The following RBFOX1 variants were observed in gnomAD, a reference collection of about 807,000 sequenced individuals.
RBFOX1 encodes RNA binding protein fox-1 homolog 1.
RBFOX1 carries 8 observed loss-of-function variants against 57.7 expected under a neutral mutation model. The observed-to-expected ratio is 0.14, with a 90% CI of 0.08 to 0.25. RBFOX1 has a LOEUF of 0.25. RBFOX1 is among the 10% of genes least tolerant of loss of function. The probability of loss-of-function intolerance (pLI) is 1.00; values close to 1 mark genes in which losing one functional copy is unlikely to be tolerated. For missense variants in RBFOX1, 611 were observed against 548.5 expected (o/e 1.11, Z -1.14); for synonymous variants, 326 against 222.4 (o/e 1.47, Z -4.15).
intron 4 of RBFOX1, among the ~76,000 whole-genome samples, chr16:5,876,823 A>G (rs1351627292): frequency 6.6e-6 from 1 of 152,236 alleles, no homozygotes; most frequent in African/African-American, 2.4e-5. Flanking sequence ...CCAGCCTGTC[A>G]TAGTCTGTAA....
At chr16:5,880,186 C>G (rs928331882) in intron 4 of RBFOX1, among the ~76,000 whole-genome samples, 1 of 152,144 alleles carries the variant, frequency 6.6e-6, no homozygotes, top group African/African-American at 2.4e-5. Flanking sequence ...TCTTTCCGTT[C>G]CAAACAAGAG....
chr16:7,498,815 C>G (rs146864209), intron 4 of RBFOX1, among the ~76,000 whole-genome samples: 3 of 152,156 alleles, frequency 2.0e-5, no homozygotes, highest in Non-Finnish European at 2.9e-5. Context: ...AGCTCTCTGA[C>G]TAGGATTACA....
At chr16:5,699,511 T>C (rs2050960551) in intron 3 of RBFOX1, among the ~76,000 whole-genome samples, 1 of 151,926 alleles carries the variant, frequency 6.6e-6, no homozygotes, top group African/African-American at 2.4e-5. Flanking sequence ...CCCAAGAGGA[T>C]GTTTTAGATA....
At chr16:5,857,296 G>T (rs1213400857) in intron 3 of RBFOX1, among the ~76,000 whole-genome samples, 1 of 152,060 alleles carries the variant, frequency 6.6e-6, no homozygotes, top group Non-Finnish European at 1.5e-5. Flanking sequence ...TACAATAGCA[G>T]TATCAAAGAT....
chr16:7,463,076 A>G (rs1401981243), intron 4 of RBFOX1, among the ~76,000 whole-genome samples: 1 of 152,212 alleles, frequency 6.6e-6, no homozygotes, highest in Non-Finnish European at 1.5e-5. Flanking sequence ...ACAGTTCTAG[A>G]TGCTGGCAAG....
intron 4 of RBFOX1, among the ~76,000 whole-genome samples, chr16:7,080,561 C>G (rs541361981): frequency 6.6e-6 from 1 of 152,130 alleles, no homozygotes; most frequent in Admixed American, 6.5e-5. Context: ...GCTCTCTGAC[C>G]TGTTCAGAGA....
At chr16:5,273,895 G>T (rs1014689993) in intron 1 of RBFOX1, among the ~76,000 whole-genome samples, 5 of 152,160 alleles carry the variant, frequency 3.3e-5, no homozygotes, top group African/African-American at 1.2e-4. Context: ...AAGGAATGCT[G>T]GTAATGACAA....
At chr16:5,823,422 A>G (rs932544184) in intron 3 of RBFOX1, among the ~76,000 whole-genome samples, 1 of 152,308 alleles carries the variant, frequency 6.6e-6, no homozygotes, top group African/African-American at 2.4e-5. Flanking sequence ...GAAGTGTTCT[A>G]TTGAGGGAAT....
intron 3 of RBFOX1, among the ~76,000 whole-genome samples, chr16:6,797,870 C>G (rs1370393873): frequency 6.6e-6 from 1 of 152,146 alleles, no homozygotes; most frequent in South Asian, 2.1e-4. Context: ...CCCATTTCTA[C>G]TAACTGGTAG....
chr16:5,611,511 C>G (rs2047785187), intron 3 of RBFOX1: 1 of 152,194 alleles, frequency 6.6e-6, no homozygotes, highest in African/African-American at 2.4e-5. Context: ...ACTGGCTTTT[C>G]TCTTCTTCAG....
At chr16:7,526,272 C>G (rs1423443507) in intron 5 of RBFOX1, among the ~76,000 whole-genome samples, 1 of 152,192 alleles carries the variant, frequency 6.6e-6, no homozygotes, top group Non-Finnish European at 1.5e-5. Flanking sequence ...ATTTTGGGGA[C>G]TGCTGCCCTA....
intron 4 of RBFOX1, among the ~76,000 whole-genome samples, chr16:7,356,037 C>A (rs866213497): frequency 1.2e-4 from 18 of 152,214 alleles, no homozygotes; most frequent in African/African-American, 4.3e-4. Flanking sequence ...GAAGCAAGCT[C>A]CAACGAGTTC....
chr16:5,448,792 C>T (rs1032043502), intron 1 of RBFOX1, among the ~76,000 whole-genome samples: 42 of 152,304 alleles, frequency 2.8e-4, no homozygotes, highest in African/African-American at 9.6e-4. Flanking sequence ...AAATTCGGTG[C>T]CCAGCATTGC....
intron 1 of RBFOX1, among the ~76,000 whole-genome samples, chr16:6,229,414 T>C (rs2152899564): frequency 6.6e-6 from 1 of 152,060 alleles, no homozygotes; most frequent in Non-Finnish European, 1.5e-5. Flanking sequence ...CTATCTTTTG[T>C]CTTACAGTTT....
intron 3 of RBFOX1, among the ~76,000 whole-genome samples, chr16:5,759,876 G>C (rs1008785848): frequency 1.1e-4 from 16 of 151,908 alleles, no homozygotes; most frequent in Non-Finnish European, 2.1e-4. Flanking sequence ...TTGATCAAAC[G>C]GCCTTAATGC....
At chr16:5,861,765 G>C (rs754064907) in intron 3 of RBFOX1, among the ~76,000 whole-genome samples, 3 of 152,172 alleles carry the variant, frequency 2.0e-5, no homozygotes, top group Non-Finnish European at 4.4e-5. Context: ...GATTTCATTT[G>C]TTGCAAAGTG....
chr16:5,447,734 C>T (rs1017905524), intron 1 of RBFOX1, among the ~76,000 whole-genome samples: 2 of 152,214 alleles, frequency 1.3e-5, no homozygotes, highest in Non-Finnish European at 1.5e-5. Flanking sequence ...CTCTCATCAG[C>T]TTCTCTCAGC....
At chr16:7,249,495 C>G (rs1192373896) in intron 4 of RBFOX1, among the ~76,000 whole-genome samples, 4 of 151,894 alleles carry the variant, frequency 2.6e-5, no homozygotes, top group African/African-American at 4.8e-5. Context: ...AATTCTCTGT[C>G]TTTCTCTCTG....
intron 3 of RBFOX1, among the ~76,000 whole-genome samples, chr16:7,010,532 C>A (rs527402631): frequency 6.9e-6 from 1 of 144,162 alleles, no homozygotes; most frequent in South Asian, 2.1e-4. Flanking sequence ...CTGATCACAT[C>A]TCCCCTTTTT....
Sources: gnomAD v4.1 joint callset for allele counts (sites outside exome capture counted in the v4.1 genomes callset) on GRCh38, gnomAD v4.1.1 for gene constraint, MANE v1.5 for transcripts, NCBI Gene and HGNC (gene_info 2026-07-23, HGNC 2026-07-21) for gene names.